Variants in TMEM232 observed in about 807,000 individuals in gnomAD.
TMEM232 encodes transmembrane protein 232.
In TMEM232, 80 loss-of-function variants were observed where a neutral mutation model predicts 78.8. That is an observed-to-expected ratio of 1.01 (90% confidence interval 0.85 to 1.22). TMEM232 has a LOEUF of 1.22. Among genes scored for constraint, TMEM232 ranks in the 50% most tolerant of loss-of-function variants. The pLI is 0.00. For synonymous variants in TMEM232, 297 were observed against 254.3 expected (o/e 1.17, Z -1.60); for missense variants, 881 against 742.2 (o/e 1.19, Z -2.17).
At chr5:110,553,717 C>A (rs1453163103) in intron 11 of TMEM232, among the ~76,000 whole-genome samples, 1 of 152,060 alleles carries the variant, frequency 6.6e-6, no homozygotes, top group Non-Finnish European at 1.5e-5. Flanking sequence ...TATTTCATGT[C>A]TTGCCTGATT....
chr5:110,641,602 T>C (rs777822751), intron 3 of TMEM232, among the ~76,000 whole-genome samples: 8 of 152,148 alleles, frequency 5.3e-5, no homozygotes, highest in Non-Finnish European at 1.0e-4. Flanking sequence ...AATTTTCAAA[T>C]ATATGGGCAG....
In TMEM232 at chr5:110,448,274, T is replaced by C. The variant is rs547619377; in HGVS notation, c.1704-23358A>G. On this transcript the variant is annotated intron_variant, in intron 12 of 13. Transcript: ENST00000455884. Reference sequence around the variant, plus strand: ...AGAATAAATTACCCTCCTTATACTTTGCATAAGTACTTAAACTAAGAGATT... The same window carrying C: ...AGAATAAATTACCCTCCTTATACTTCGCATAAGTACTTAAACTAAGAGATT... 3.9e-5 allele frequency among the ~76,000 whole-genome samples: 6 copies of C among 152,182 alleles called. No homozygotes were observed. The South Asian group carries it at 1.2e-3, about 31-fold the overall frequency.
At chr5:110,686,868 C>G (rs1297014804) in intron 1 of TMEM232, among the ~76,000 whole-genome samples, 2 of 152,126 alleles carry the variant, frequency 1.3e-5, no homozygotes, top group African/African-American at 4.8e-5. Flanking sequence ...AAGGCTCTGT[C>G]TAAATCTTCC....
At position 110,556,333 on chromosome 5, in the gene TMEM232, TTTCCTTCC is replaced by T. The variant is rs1775075250; in HGVS notation, c.1455+12106_1455+12113del. 3.3e-5 allele frequency among the ~76,000 whole-genome samples: 5 copies of T among 151,118 alleles called. No individual in the cohort carries two copies. In the South Asian group the frequency reaches 6.3e-4, roughly 19 times the overall value. On this transcript the variant is annotated intron_variant, in intron 11 of 13. Transcript: ENST00000455884. The stretch of plus-strand genomic sequence containing the variant: ...CTTCCTTTCTTCTTTCCTTCCTCCC[TTTCCTTCC>T]TCCCTTCCCTTCCCTTCCCCTTCCT...
intron 12 of TMEM232, among the ~76,000 whole-genome samples, chr5:110,446,980 C>T (rs543732090): frequency 6.6e-6 from 1 of 151,792 alleles, no homozygotes; most frequent in African/African-American, 2.4e-5. Flanking sequence ...TGAGGACCCT[C>T]GTACTCTTTA....
intron 7 of TMEM232, among the ~76,000 whole-genome samples, chr5:110,622,861 A>G: frequency 7.2e-6 from 1 of 138,424 alleles, no homozygotes; most frequent in African/African-American, 2.6e-5. Context: ...GGGAGGGGGG[A>G]GGGATAGCAT....
intron 1 of TMEM232, among the ~76,000 whole-genome samples, chr5:110,681,292 A>T (rs1416735650): frequency 6.6e-6 from 1 of 152,204 alleles, no homozygotes; most frequent in Admixed American, 6.5e-5. Flanking sequence ...GAATGTAAAC[A>T]GCCACATCTG....
intron 11 of TMEM232, among the ~76,000 whole-genome samples, chr5:110,541,672 T>TA (rs1189900549): frequency 2.0e-5 from 3 of 151,424 alleles, no homozygotes; most frequent in Admixed American, 6.6e-5. Context: ...TCAGGAAACA[T>TA]AAAAAACGTG....
chr5:110,636,865 A>C (rs1414080768), intron 5 of TMEM232, among the ~76,000 whole-genome samples: 1 of 152,082 alleles, frequency 6.6e-6, no homozygotes, highest in Admixed American at 6.6e-5. Context: ...CAGAACTGGT[A>C]CAAATTATCT....
chr5:110,693,238 A>G (rs1036757306), intron 1 of TMEM232, among the ~76,000 whole-genome samples: 1 of 152,216 alleles, frequency 6.6e-6, no homozygotes, highest in Non-Finnish European at 1.5e-5. Flanking sequence ...CCTGCAGCTG[A>G]GGGTACTGAC....
Position 110,439,363 on chromosome 5 carries a change from C to T in TMEM232, c.1704-14447G>A, listed in dbSNP as rs1210702359. ...ATTTAATTAATCTCGTTTTATAGTT[C>T]CTTGTATTTTAAAACATTCTAGAGA... On this transcript the variant is annotated intron_variant, in intron 12 of 13. Coordinates refer to ENST00000455884, the MANE Select transcript of TMEM232 (RefSeq NM_001039763.4). Among the ~76,000 whole-genome samples, 4 of 152,120 alleles carry T rather than the reference C, an allele frequency of 2.6e-5. No homozygotes were observed. In the South Asian group the frequency reaches 6.2e-4, roughly 24 times the overall value.
chr5:110,574,406 T>A (rs559529282), intron 10 of TMEM232, among the ~76,000 whole-genome samples: 1 of 152,046 alleles, frequency 6.6e-6, no homozygotes, highest in African/African-American at 2.4e-5. Context: ...AAAGAGAGGG[T>A]TGGCCTTTGT....
At chr5:110,499,057 A>T (rs1417372601) in intron 12 of TMEM232, among the ~76,000 whole-genome samples, 1 of 152,192 alleles carries the variant, frequency 6.6e-6, no homozygotes, top group Non-Finnish European at 1.5e-5. Context: ...TATAAAATAA[A>T]ATAGAGGTAT....
intron 1 of TMEM232, among the ~76,000 whole-genome samples, chr5:110,724,239 C>T (rs1347625092): frequency 1.3e-5 from 2 of 152,100 alleles, no homozygotes; most frequent in Non-Finnish European, 2.9e-5. Context: ...ATACCCTTCT[C>T]TTCATATTCT....
At chr5:110,548,247 C>A (rs1230620256) in intron 11 of TMEM232, among the ~76,000 whole-genome samples, 2 of 150,854 alleles carry the variant, frequency 1.3e-5, no homozygotes, top group Non-Finnish European at 3.0e-5. Context: ...TATAAACACA[C>A]ACACACATAC....
chr5:110,625,056 T>C (rs1422844770), intron 7 of TMEM232, among the ~76,000 whole-genome samples: 3 of 152,044 alleles, frequency 2.0e-5, no homozygotes, highest in African/African-American at 7.2e-5. Context: ...TAGAGTTATA[T>C]ATTGATACCT....
intron 11 of TMEM232, among the ~76,000 whole-genome samples, chr5:110,551,505 G>C (rs77279584): frequency 0.039 from 5,911 of 151,750 alleles, 172 homozygotes; most frequent in African/African-American, 0.081. Context: ...TTATAGGCAT[G>C]AGCCACCGCG....
At chr5:110,718,712 T>TC (rs1047163176) in intron 1 of TMEM232, among the ~76,000 whole-genome samples, 3 of 152,086 alleles carry the variant, frequency 2.0e-5, no homozygotes, top group Non-Finnish European at 4.4e-5. Context: ...TCTTCTCTTC[T>TC]AACACTCCCA....
rs552554896 is a variant in TMEM232 at position 110,555,708 on chromosome 5, G to A, written c.1455+12739C>T. 2.6e-5 allele frequency among the ~76,000 whole-genome samples: 4 copies of A among 152,150 alleles called. No individual in the cohort carries two copies. In the South Asian group the frequency reaches 8.3e-4, roughly 32 times the overall value. On this transcript the variant is annotated intron_variant, in intron 11 of 13. Coordinates refer to ENST00000455884, the MANE Select transcript of TMEM232 (RefSeq NM_001039763.4). ...TGTTGGGTAAATAGGTATTTAGGAT[G>A]GTTAAGTCTTCTTGTTGAATTGATC...
Sources: gnomAD v4.1 joint callset for allele counts (sites outside exome capture counted in the v4.1 genomes callset) on GRCh38, gnomAD v4.1.1 for gene constraint, MANE v1.5 for transcripts, NCBI Gene and HGNC (gene_info 2026-07-23, HGNC 2026-07-21) for gene names.